LIMK1: variants seen among roughly 807,000 people sequenced by gnomAD.
The protein encoded by LIMK1 is LIM domain kinase 1, also known as LIM motif-containing protein kinase.
Under a neutral mutation model 77.6 loss-of-function variants are expected in LIMK1, and 21 were observed. The observed-to-expected ratio is 0.27, with a 90% CI of 0.19 to 0.39. The LOEUF is 0.39. Ranked by LOEUF, LIMK1 falls within the 10% of genes least tolerant of loss-of-function variation. The pLI, the probability that LIMK1 is intolerant of heterozygous loss-of-function variation, is 1.00. For synonymous variants in LIMK1, 358 were observed against 370.0 expected (o/e 0.97, Z 0.37); for missense variants, 696 against 901.6 (o/e 0.77, Z 2.92).
At chr7:74,117,475 G>A (rs1392827665) in intron 13 of LIMK1, among the ~76,000 whole-genome samples, 1 of 152,050 alleles carries the variant, frequency 6.6e-6, no homozygotes, top group Non-Finnish European at 1.5e-5. Context: ...TCATCTTTGG[G>A]GATCATAGTT....
intron 2 of LIMK1, among the ~76,000 whole-genome samples, chr7:74,095,511 A>T (rs1314792202): frequency 6.6e-6 from 1 of 151,808 alleles, no homozygotes; most frequent in East Asian, 1.9e-4. Flanking sequence ...GGCTCAAGCG[A>T]TCCTCCCTCC....
intron 2 of LIMK1, among the ~76,000 whole-genome samples, chr7:74,088,876 G>C (rs1167842832): frequency 1.3e-5 from 2 of 151,574 alleles, no homozygotes; most frequent in Admixed American, 1.3e-4. Flanking sequence ...TGCTGTTGAA[G>C]AATGCCATCC....
rs55994327 is a variant in LIMK1, at chr7:74,107,885, G to A, written c.1080G>A (p.Glu360=). 1,599 of 1,573,522 alleles carry A rather than the reference G, an allele frequency of 1.0e-3. 1 individual carries two copies. Among genetic ancestry groups the A allele is most frequent in the Non-Finnish European group, 1.3e-3 (1,485 of 1,158,962 alleles). ...FGQAIKVTHR[E]TGEVMVMKEL... ...CCCACACGCAGGTGACACACCGTGAGACAGGTGAGGTGATGGTGATGAAGG... is the reference window on the plus strand; with the variant it reads ...CCCACACGCAGGTGACACACCGTGAAACAGGTGAGGTGATGGTGATGAAGG... The change falls in exon 9 of 16, where the codon GAG becomes GAA. Residue 360 remains glutamate, a synonymous_variant. Coordinates refer to ENST00000336180, the MANE Select transcript of LIMK1 (RefSeq NM_002314.4).
In LIMK1 at chr7:74,105,702, C is replaced by T. The variant is rs183517768; in HGVS notation, c.609-173C>T. On this transcript the variant is annotated intron_variant, in intron 5 of 15. Coordinates refer to ENST00000336180, the MANE Select transcript of LIMK1 (RefSeq NM_002314.4). Reference sequence around the variant, plus strand: ...TGTGGCAGACATCAGTAATTGATTACAGAATTCCTCCCCTGAAACCAGAAC... The same window carrying T: ...TGTGGCAGACATCAGTAATTGATTATAGAATTCCTCCCCTGAAACCAGAAC... Among the ~76,000 whole-genome samples, 429 of 152,192 alleles carry T rather than the reference C, an allele frequency of 2.8e-3. 3 individuals are homozygous for T. Among genetic ancestry groups the T allele is most frequent in the African/African-American group, 0.01 (418 of 41,560 alleles).
intron 2 of LIMK1, among the ~76,000 whole-genome samples, chr7:74,091,781 G>C (rs1319424899): frequency 6.6e-6 from 1 of 151,992 alleles, no homozygotes; most frequent in Admixed American, 6.6e-5. Flanking sequence ...AGAATTGAAG[G>C]GAGCAGTGTT....
At chr7:74,093,015 T>A in intron 2 of LIMK1, 1 of 881,712 alleles carries the variant, frequency 1.1e-6, no homozygotes, top group Non-Finnish European at 1.6e-6. Flanking sequence ...GATCGCTCGC[T>A]CCCCACCCGC....
At chr7:74,086,069 G>T (rs1411691198) in intron 2 of LIMK1, among the ~76,000 whole-genome samples, 1 of 151,974 alleles carries the variant, frequency 6.6e-6, no homozygotes, top group Admixed American at 6.6e-5. Context: ...TTTTTGAGAC[G>T]GAGTCTCGCT....
In LIMK1 at chr7:74,111,673, G is replaced by A; in HGVS notation, c.1310G>A (p.Arg437Lys). 6.2e-7 allele frequency: 1 copy of A among 1,613,524 alleles called. No individual in the cohort carries two copies. The highest frequency in any genetic ancestry group is 1.1e-5 in the South Asian group (1 of 90,896). Residue 437 changes from arginine to lysine, a missense_variant, in exon 11 of 16, where the codon AGA (arginine) becomes AAA (lysine). Arg to Lys is a conservative substitution (Grantham distance 26). Coordinates refer to ENST00000336180, the MANE Select transcript of LIMK1 (RefSeq NM_002314.4). ...GACAGCCAGTACCCATGGAGCCAGA[G>A]AGTGAGCTTTGCCAAGGACATCGCA... ...SMDSQYPWSQ[R>K]VSFAKDIASG...
At chr7:74,120,800 C>T in intron 14 of LIMK1, 92 bp from the exon 15 acceptor site, 1 of 1,572,612 alleles carries the variant, frequency 6.4e-7, no homozygotes, top group Non-Finnish European at 8.7e-7. Context: ...GCAGCCAGGC[C>T]CAGTGCCACC....
At chr7:74,086,891 A>G (rs760197717) in intron 2 of LIMK1, among the ~76,000 whole-genome samples, 4 of 152,194 alleles carry the variant, frequency 2.6e-5, no homozygotes, top group Admixed American at 2.6e-4. Context: ...GCTTGCGAAC[A>G]TGCATAACCC....
chr7:74,119,203 G>A (rs1407420115), intron 13 of LIMK1, among the ~76,000 whole-genome samples: 2 of 137,736 alleles, frequency 1.5e-5, no homozygotes, highest in East Asian at 4.6e-4. Flanking sequence ...TTTTGAGATG[G>A]AGTCTTGCAT....
At chr7:74,088,801 CAAAAA>C (rs145728454) in intron 2 of LIMK1, among the ~76,000 whole-genome samples, 1 of 67,082 alleles carries the variant, frequency 1.5e-5, no homozygotes, top group Admixed American at 1.7e-4. Flanking sequence ...GACTCCATCT[CAAAAA>C]AAAAAAAAAA....
Position 74,109,224 on chromosome 7 carries a change from A to G in LIMK1, c.1284+188A>G. The stretch of plus-strand genomic sequence containing the variant: ...CTAAAGCTAGGAAAGGCCAGGTACA[A>G]TGGTGCACACCTGTTATTCTGGCAC... On this transcript the variant is annotated intron_variant, in intron 10 of 15. Coordinates refer to ENST00000336180, the MANE Select transcript of LIMK1 (RefSeq NM_002314.4). 5.2e-6 allele frequency: 3 copies of G among 579,740 alleles called. No individual in the cohort carries two copies. The Admixed American group carries it at 7.1e-5, about 14-fold the overall frequency. The allele number at this position is 579,740 out of a possible 1,614,324, so 35.9% of individuals were successfully genotyped here.
At chr7:74,107,246 C>G (rs1246930670) in intron 8 of LIMK1, 53 bp downstream of exon 8, 1 of 1,514,882 alleles carries the variant, frequency 6.6e-7, no homozygotes, top group East Asian at 2.3e-5. Flanking sequence ...CCCCTCCATC[C>G]TCCTTCCTTC....
intron 13 of LIMK1, among the ~76,000 whole-genome samples, chr7:74,118,991 G>C (rs890051504): frequency 3.9e-5 from 6 of 152,026 alleles, no homozygotes; most frequent in Non-Finnish European, 8.8e-5. Context: ...CGCCTCCCGG[G>C]TTCACACCAT....
intron 5 of LIMK1, among the ~76,000 whole-genome samples, chr7:74,100,853 A>G (rs1430118354): frequency 6.6e-6 from 1 of 150,738 alleles, no homozygotes; most frequent in Admixed American, 6.6e-5. Context: ...CTCCTGCCTC[A>G]GCCTCCCGAG....
intron 1 of LIMK1, 131 bp downstream of exon 1, chr7:74,084,176 G>A (rs1382967064): frequency 5.8e-6 from 2 of 343,408 alleles, no homozygotes; most frequent in East Asian, 9.2e-5. Context: ...TCCTTACGAA[G>A]CCCGCAGGCC....
Position 74,108,969 on chromosome 7 carries a change from A to T in LIMK1, c.1217A>T (p.Asp406Val). 1 of 1,614,152 alleles carries T rather than the reference A, an allele frequency of 6.2e-7. No homozygotes were observed. Among genetic ancestry groups the T allele is most frequent in the Non-Finnish European group, 8.5e-7 (1 of 1,180,018 alleles). ...AAGTTCATCGGGGTGCTCTACAAGG[A>T]CAAGAGGCTCAACTTCATCACTGAG... The part of the protein sequence containing the change: ...VLKFIGVLYK[D>V]KRLNFITEYI... The change falls in exon 10 of 16, where the codon GAC becomes GTC. Residue 406 changes from aspartate (D) to valine (V), a missense_variant. Physicochemically the swap from Asp to Val is radical, Grantham distance 152 (BLOSUM62 -3). Transcript: ENST00000336180.
At chr7:74,106,302 G>T in intron 7 of LIMK1, 59 bp downstream of exon 7, 1 of 1,539,028 alleles carries the variant, frequency 6.5e-7, no homozygotes, top group Non-Finnish European at 8.7e-7. Flanking sequence ...GGGCTCAGGG[G>T]CTGTGGGACC....
Sources: gnomAD v4.1 joint callset for allele counts (sites outside exome capture counted in the v4.1 genomes callset) on GRCh38, gnomAD v4.1.1 for gene constraint, MANE v1.5 for transcripts, NCBI Gene and HGNC (gene_info 2026-07-23, HGNC 2026-07-21) for gene names.